Variants in CLYBL observed in about 807,000 individuals in gnomAD.
The protein encoded by CLYBL is citramalyl-CoA lyase, mitochondrial.
In CLYBL, 31 loss-of-function variants were observed where a neutral mutation model predicts 38.9. The observed-to-expected ratio is 0.80, with a 90% confidence interval of 0.60 to 1.08. The LOEUF (loss-of-function observed/expected upper bound fraction) is 1.08. Among genes scored for constraint, CLYBL ranks in the 50% least tolerant of loss-of-function variants. CLYBL has a pLI of 0.00. For synonymous variants in CLYBL, 171 were observed against 158.6 expected (o/e 1.08, Z -0.59); for missense variants, 434 against 411.6 (o/e 1.05, Z -0.47).
intron 1 of CLYBL, among the ~76,000 whole-genome samples, chr13:99,770,403 C>G (rs2049362164): frequency 6.6e-6 from 1 of 152,162 alleles, no homozygotes; most frequent in Non-Finnish European, 1.5e-5. Flanking sequence ...CTGCAAGCTC[C>G]GCCTCCCGGG....
At chr13:99,629,210 CAG>C (rs1422832278) in intron 1 of CLYBL, among the ~76,000 whole-genome samples, 9 of 152,352 alleles carry the variant, frequency 5.9e-5, no homozygotes, top group African/African-American at 1.9e-4. Context: ...ATGGCCCTGA[CAG>C]GGGGCTATCC....
chr13:99,872,315 T>C (rs954500585), intron 7 of CLYBL, among the ~76,000 whole-genome samples: 2 of 152,232 alleles, frequency 1.3e-5, no homozygotes, highest in African/African-American at 2.4e-5. Flanking sequence ...ATCTTTCCAT[T>C]TCCCATCAAC....
At chr13:99,701,037 C>T (rs2048057305) in intron 1 of CLYBL, among the ~76,000 whole-genome samples, 1 of 152,084 alleles carries the variant, frequency 6.6e-6, no homozygotes, top group African/African-American at 2.4e-5. Context: ...TGCTGTAAGA[C>T]AGCCAGGAGC....
chr13:99,748,515 C>T (rs1419243009), intron 1 of CLYBL, among the ~76,000 whole-genome samples: 1 of 135,882 alleles, frequency 7.4e-6, no homozygotes, highest in Non-Finnish European at 1.5e-5. Context: ...TCTCGGCTCA[C>T]TGCAACCTCC....
intron 2 of CLYBL, among the ~76,000 whole-genome samples, chr13:99,839,990 C>T (rs546941084): frequency 1.4e-5 from 2 of 147,682 alleles, no homozygotes; most frequent in Non-Finnish European, 3.0e-5. Flanking sequence ...CACCCCTTCC[C>T]AGCCTCTGGT....
At chr13:99,893,630 G>A (rs1203904304), downstream of CLYBL, 1 of 152,450 alleles carries the variant, frequency 6.6e-6, no homozygotes, top group East Asian at 1.9e-4. Context: ...CTTGGCTTGA[G>A]GGGATGAAGG....
intron 1 of CLYBL, among the ~76,000 whole-genome samples, chr13:99,720,169 A>G (rs2048373873): frequency 6.6e-6 from 1 of 151,838 alleles, no homozygotes. Context: ...CTATTGATTT[A>G]GAAATTATAC....
chr13:99,732,980 T>C (rs564602636), intron 1 of CLYBL, among the ~76,000 whole-genome samples: 56 of 152,330 alleles, frequency 3.7e-4, no homozygotes, highest in Non-Finnish European at 7.6e-4. Flanking sequence ...ACTGTATGAT[T>C]AAGGAAAGGG....
intron 2 of CLYBL, among the ~76,000 whole-genome samples, chr13:99,832,979 C>T (rs1252804472): frequency 2.5e-4 from 29 of 116,746 alleles, no homozygotes; most frequent in African/African-American, 8.4e-4. Context: ...TATATCATTT[C>T]ATTAAGTAGT....
chr13:99,822,139 C>T (rs983769181), intron 2 of CLYBL, among the ~76,000 whole-genome samples: 3 of 152,142 alleles, frequency 2.0e-5, no homozygotes, highest in African/African-American at 4.8e-5. Context: ...TGACCCCTGG[C>T]GAGACCAGCA....
chr13:99,743,609 G>C (rs1469238672), intron 1 of CLYBL, among the ~76,000 whole-genome samples: 1 of 152,208 alleles, frequency 6.6e-6, no homozygotes, highest in Non-Finnish European at 1.5e-5. Flanking sequence ...CTCTGTGGCT[G>C]TACTGAGGAA....
At chr13:99,779,040 C>A (rs2049582413) in intron 2 of CLYBL, among the ~76,000 whole-genome samples, 1 of 152,178 alleles carries the variant, frequency 6.6e-6, no homozygotes, top group Non-Finnish European at 1.5e-5. Flanking sequence ...GGAGGAGACA[C>A]AAGCTGTTGT....
intron 2 of CLYBL, among the ~76,000 whole-genome samples, chr13:99,818,389 G>T (rs759513087): frequency 6.6e-6 from 1 of 151,410 alleles, no homozygotes; most frequent in African/African-American, 2.4e-5. Flanking sequence ...GGAGTTACGG[G>T]TTAAAGATGA....
chr13:99,704,109 T>C (rs2139468174), intron 1 of CLYBL, among the ~76,000 whole-genome samples: 1 of 152,288 alleles, frequency 6.6e-6, no homozygotes, highest in East Asian at 1.9e-4. Flanking sequence ...GAAGGAGACT[T>C]CTTTATATTG....
chr13:99,886,482 C>T (rs1442719953), intron 7 of CLYBL, among the ~76,000 whole-genome samples: 1 of 152,244 alleles, frequency 6.6e-6, no homozygotes, highest in East Asian at 1.9e-4. Context: ...CCTTCCTACG[C>T]GGAAGACACG....
intron 1 of CLYBL, among the ~76,000 whole-genome samples, chr13:99,673,826 A>G (rs1395848902): frequency 6.6e-6 from 1 of 152,178 alleles, no homozygotes; most frequent in Non-Finnish European, 1.5e-5. Context: ...CCGTCAGGAG[A>G]TAGTTGCTGT....
intron 2 of CLYBL, among the ~76,000 whole-genome samples, chr13:99,821,547 C>T (rs2050588678): frequency 6.6e-6 from 1 of 152,272 alleles, no homozygotes; most frequent in East Asian, 1.9e-4. Context: ...ATGCGTGTTG[C>T]AAGGCACACC....
intron 2 of CLYBL, among the ~76,000 whole-genome samples, chr13:99,814,362 G>A (rs1341020365): frequency 6.6e-6 from 1 of 152,148 alleles, no homozygotes; most frequent in Admixed American, 6.5e-5. Flanking sequence ...TGAATTCAGG[G>A]CATGGGAACT....
intron 1 of CLYBL, among the ~76,000 whole-genome samples, chr13:99,753,595 T>G (rs987336554): frequency 6.6e-6 from 1 of 152,216 alleles, no homozygotes; most frequent in African/African-American, 2.4e-5. Flanking sequence ...TAGTACGTCT[T>G]TAAAATTTAT....
Sources: gnomAD v4.1 joint callset for allele counts (sites outside exome capture counted in the v4.1 genomes callset) on GRCh38, gnomAD v4.1.1 for gene constraint, MANE v1.5 for transcripts, NCBI Gene and HGNC (gene_info 2026-07-23, HGNC 2026-07-21) for gene names.